Variants in PDZRN4 observed in about 807,000 individuals in gnomAD.
The protein encoded by PDZRN4 is PDZ domain containing ring finger 4, also known as PDZ domain-containing RING finger protein 4.
A neutral mutation model predicts 99.0 loss-of-function variants in PDZRN4; 70 were observed. That is an observed-to-expected ratio of 0.71 (90% CI 0.58 to 0.86). The LOEUF is 0.86. Ranked by LOEUF, PDZRN4 falls within the 40% of genes least tolerant of loss-of-function variation. PDZRN4 has a pLI of 0.00. For synonymous variants in PDZRN4, 551 were observed against 501.6 expected (o/e 1.10, Z -1.32); for missense variants, 1,474 against 1,331.2 (o/e 1.11, Z -1.67).
chr12:41,555,035 C>T (rs1363566318), intron 6 of PDZRN4, among the ~76,000 whole-genome samples: 10 of 131,508 alleles, frequency 7.6e-5, no homozygotes, highest in East Asian at 4.6e-4. Flanking sequence ...GGTGAAACCC[C>T]ATCTCTACTA....
chr12:41,464,820 C>CTTTTTTTT (rs5797739), intron 3 of PDZRN4, among the ~76,000 whole-genome samples: 9 of 104,842 alleles, frequency 8.6e-5, no homozygotes, highest in African/African-American at 2.6e-4. Context: ...GCCTGTTGTA[C>CTTTTTTTT]TTTTTTTTTT....
chr12:41,400,848 T>G (rs527381756), intron 3 of PDZRN4, among the ~76,000 whole-genome samples: 1 of 152,200 alleles, frequency 6.6e-6, no homozygotes, highest in African/African-American at 2.4e-5. Flanking sequence ...CAGGGAAATA[T>G]AGCCAACTTG....
Position 41,573,589 on chromosome 12 carries a change from TG to T in PDZRN4, c.2814del (p.Arg939AlafsTer25), listed in dbSNP as rs1565620212. 2 of 1,612,142 alleles carry T rather than the reference TG, an allele frequency of 1.2e-6. No individual in the cohort carries two copies. The highest frequency in any genetic ancestry group is 1.7e-6 in the Non-Finnish European group (2 of 1,179,436). ...GATGACACCATGAGCGAGATGAAAA[TG>T]GGGCGCTACTGGAGCAAAGAGGAGA... Reference protein sequence around the residue: ...TDDDTMSEMKMGRYWSKEERK... With the variant: ...TDDDTMSEMKXGRYWSKEERK... On this transcript the variant is annotated frameshift_variant, in exon 10 of 10. Coordinates refer to ENST00000402685, the MANE Select transcript of PDZRN4 (RefSeq NM_001164595.2). LOFTEE classifies it high-confidence loss of function.
At chr12:41,352,852 A>T (rs1301802053) in intron 3 of PDZRN4, among the ~76,000 whole-genome samples, 2 of 152,160 alleles carry the variant, frequency 1.3e-5, no homozygotes, top group Admixed American at 1.3e-4. Flanking sequence ...TTGCAATCTG[A>T]GGATATAAAA....
At chr12:41,253,070 T>C (rs578034296) in intron 3 of PDZRN4, among the ~76,000 whole-genome samples, 1 of 152,252 alleles carries the variant, frequency 6.6e-6, no homozygotes, top group East Asian at 1.9e-4. Context: ...GTGGCATTAA[T>C]GTCGGTATTG....
intron 3 of PDZRN4, among the ~76,000 whole-genome samples, chr12:41,283,651 CT>C (rs1332197644): frequency 4.6e-5 from 7 of 152,126 alleles, no homozygotes; most frequent in Non-Finnish European, 8.8e-5. Context: ...CATCAAAAAG[CT>C]TTTCCACCGT....
intron 3 of PDZRN4, among the ~76,000 whole-genome samples, chr12:41,287,363 A>G (rs181084469): frequency 6.6e-6 from 1 of 152,330 alleles, no homozygotes; most frequent in African/African-American, 2.4e-5. Context: ...AATTGTATCA[A>G]GTGAATTCTT....
At chr12:41,516,920 A>G (rs1366180719) in intron 5 of PDZRN4, among the ~76,000 whole-genome samples, 1 of 151,974 alleles carries the variant, frequency 6.6e-6, no homozygotes, top group Non-Finnish European at 1.5e-5. Context: ...TAAATTGAAT[A>G]CTTAAGTTTA....
intron 3 of PDZRN4, among the ~76,000 whole-genome samples, chr12:41,278,435 G>C (rs78005334): frequency 0.012 from 1,759 of 152,240 alleles, 36 homozygotes; most frequent in African/African-American, 0.04. Flanking sequence ...AAATGAACAG[G>C]TTTATTGACT....
At chr12:41,206,557 T>C (rs1169906614) in intron 3 of PDZRN4, among the ~76,000 whole-genome samples, 3 of 147,604 alleles carry the variant, frequency 2.0e-5, no homozygotes, top group Non-Finnish European at 4.4e-5. Flanking sequence ...AATAAATTAA[T>C]AATTTATTAA....
chr12:41,394,568 A>G (rs1405750677), intron 3 of PDZRN4, among the ~76,000 whole-genome samples: 3 of 152,160 alleles, frequency 2.0e-5, no homozygotes, highest in African/African-American at 4.8e-5. Context: ...GGGGTCACTC[A>G]TGAGATTGAC....
intron 3 of PDZRN4, among the ~76,000 whole-genome samples, chr12:41,241,633 A>T (rs1951102555): frequency 6.6e-6 from 1 of 152,216 alleles, no homozygotes; most frequent in Non-Finnish European, 1.5e-5. Flanking sequence ...TAAATATTGA[A>T]ACACTTAATA....
intron 3 of PDZRN4, among the ~76,000 whole-genome samples, chr12:41,286,865 G>A (rs1043340237): frequency 2.6e-5 from 4 of 152,184 alleles, no homozygotes; most frequent in African/African-American, 9.6e-5. Flanking sequence ...AAATATATGG[G>A]ATATTTTTCT....
intron 3 of PDZRN4, among the ~76,000 whole-genome samples, chr12:41,325,368 C>T (rs1951702569): frequency 6.6e-6 from 1 of 152,128 alleles, no homozygotes; most frequent in Non-Finnish European, 1.5e-5. Context: ...AACCAAGATT[C>T]ATTTGTATGC....
intron 3 of PDZRN4, among the ~76,000 whole-genome samples, chr12:41,233,707 A>G (rs556066362): frequency 0.019 from 2,900 of 151,952 alleles, 94 homozygotes; most frequent in African/African-American, 0.065. Flanking sequence ...CAAACACCGC[A>G]TGTTCTCACT....
intron 3 of PDZRN4, among the ~76,000 whole-genome samples, chr12:41,349,760 T>C (rs1421778829): frequency 1.3e-5 from 2 of 151,982 alleles, no homozygotes; most frequent in Non-Finnish European, 2.9e-5. Context: ...ATTAAATACA[T>C]AATTACAATG....
chr12:41,298,826 G>A lies in PDZRN4; in HGVS notation c.843+104638G>A, dbSNP rs904543628. 5.9e-4 allele frequency among the ~76,000 whole-genome samples: 89 copies of A among 152,028 alleles called. 1 individual carries two copies. Among genetic ancestry groups the A allele is most frequent in the African/African-American group, 2.1e-3 (85 of 41,456 alleles). On this transcript the variant is annotated intron_variant, in intron 3 of 9. Transcript: ENST00000402685. Reference sequence around the variant, plus strand: ...TATTATTTATTGATTAATAAGATTTGGGGAGAATATTCTTTTTCTTTGAGA... The same window carrying A: ...TATTATTTATTGATTAATAAGATTTAGGGAGAATATTCTTTTTCTTTGAGA...
intron 3 of PDZRN4, among the ~76,000 whole-genome samples, chr12:41,321,133 AC>A (rs1951674517): frequency 6.6e-6 from 1 of 152,116 alleles, no homozygotes; most frequent in Admixed American, 6.5e-5. Context: ...CTAAACAAAA[AC>A]TTCTCATATG....
chr12:41,501,262 G>A (rs1938104434), intron 3 of PDZRN4, among the ~76,000 whole-genome samples: 1 of 152,118 alleles, frequency 6.6e-6, no homozygotes, highest in African/African-American at 2.4e-5. Flanking sequence ...CTCTAGAAAT[G>A]GCTTCTCACT....
Sources: gnomAD v4.1 joint callset for allele counts (sites outside exome capture counted in the v4.1 genomes callset) on GRCh38, gnomAD v4.1.1 for gene constraint, MANE v1.5 for transcripts, NCBI Gene and HGNC (gene_info 2026-07-23, HGNC 2026-07-21) for gene names.